Variants in RBFOX3 observed in about 807,000 individuals in gnomAD.
RBFOX3 encodes RNA binding fox-1 homolog 3.
RBFOX3 carries 17 observed loss-of-function variants against 48.7 expected under a neutral mutation model. The observed-to-expected ratio is 0.35, with a 90% CI of 0.24 to 0.52. The LOEUF is 0.52. RBFOX3 is among the 20% of genes least tolerant of loss of function. The probability of loss-of-function intolerance (pLI) is 0.94; values close to 1 mark genes in which losing one functional copy is unlikely to be tolerated. For synonymous variants in RBFOX3, 212 were observed against 209.5 expected, an observed-to-expected ratio of 1.01 and a Z score of -0.10; for missense variants, 382 against 497.5, an observed-to-expected ratio of 0.77 and a Z score of 2.21.
chr17:79,295,263 C>G (rs1256918720), intron 3 of RBFOX3, among the ~76,000 whole-genome samples: 1 of 152,210 alleles, frequency 6.6e-6, no homozygotes, highest in Non-Finnish European at 1.5e-5. Context: ...CATTTAAAGG[C>G]AATCCTGCCT....
Position 79,364,036 on chromosome 17 carries a change from G to A in RBFOX3, c.-174-56212C>T, listed in dbSNP as rs553255184. 2.0e-5 allele frequency among the ~76,000 whole-genome samples: 3 copies of A among 152,284 alleles called. No individual in the cohort carries two copies. The East Asian group carries it at 5.8e-4, about 29-fold the overall frequency. ...TTCTCAAGCCTCAGCTCAGATGCCA[G>A]GTCCTCAGAGAATCCAGCCCTACAG... is the stretch of plus-strand genomic sequence containing the variant. On this transcript the variant is annotated intron_variant, in intron 2 of 14. Coordinates refer to ENST00000693108, the MANE Select transcript of RBFOX3 (RefSeq NM_001350451.2). The surrounding 1 kb of genome is among the most constrained non-coding windows in gnomAD (Gnocchi z 5.1).
At position 79,097,579 on chromosome 17, in the gene RBFOX3, G is replaced by A. The variant is rs1004743241; in HGVS notation, c.622+113C>T. The A allele has an allele frequency of 4.9e-6, 7 of 1,435,430 alleles. No individual in the cohort carries two copies. The African/African-American group carries it at 7.3e-5, about 15-fold the overall frequency. 88.9% of individuals were successfully genotyped at this position (1,435,430 alleles called of 1,614,324 possible). ...TACTCAGTCAACACGGCGACGGGAG[G>A]GCGGGGACGGCCCACCTGGCCCCGC... On this transcript the variant is annotated intron_variant, in intron 10 of 14. Transcript: ENST00000693108.
chr17:79,092,362 C>T, intron 14 of RBFOX3: 1 of 985,624 alleles, frequency 1.0e-6, no homozygotes, highest in Non-Finnish European at 1.2e-6. Flanking sequence ...ATCACGGTTG[C>T]AGACATACAG....
chr17:79,164,169 G>A (rs996015742), intron 4 of RBFOX3, among the ~76,000 whole-genome samples: 1 of 152,216 alleles, frequency 6.6e-6, no homozygotes, highest in African/African-American at 2.4e-5. Context: ...GAGATCCCAG[G>A]CCTCTGGGAG....
intron 4 of RBFOX3, among the ~76,000 whole-genome samples, chr17:79,149,451 G>A (rs1287077751): frequency 6.6e-6 from 1 of 152,206 alleles, no homozygotes; most frequent in African/African-American, 2.4e-5. Flanking sequence ...TGCTGTCCTG[G>A]GGGAGGAGCA....
intron 2 of RBFOX3, among the ~76,000 whole-genome samples, chr17:79,438,216 C>T (rs1555732372): frequency 3.9e-5 from 6 of 152,206 alleles, no homozygotes; most frequent in Non-Finnish European, 7.3e-5. Flanking sequence ...TCCCTGGCAG[C>T]TCTCCCTGCT....
intron 2 of RBFOX3, among the ~76,000 whole-genome samples, chr17:79,353,066 C>A (rs1842947065): frequency 1.3e-5 from 2 of 152,238 alleles, no homozygotes; most frequent in South Asian, 2.1e-4. Context: ...ATGGTCTGAC[C>A]TGATGTATCT....
intron 3 of RBFOX3, among the ~76,000 whole-genome samples, chr17:79,245,362 A>C (rs1231941647): frequency 6.6e-6 from 1 of 152,160 alleles, no homozygotes; most frequent in African/African-American, 2.4e-5. Flanking sequence ...GACCGTTCAG[A>C]CCAAAGGACC....
chr17:79,543,539 G>A (rs1414387286), intron 1 of RBFOX3, among the ~76,000 whole-genome samples: 1 of 152,140 alleles, frequency 6.6e-6, no homozygotes, highest in African/African-American at 2.4e-5. Flanking sequence ...TCGGCACAGA[G>A]CGAAACCAAG....
intron 1 of RBFOX3, among the ~76,000 whole-genome samples, chr17:79,546,169 T>G (rs11077444): frequency 0.33 from 49,869 of 152,060 alleles, 10,124 homozygotes; most frequent in African/African-American, 0.56. Context: ...CTGATCTATA[T>G]TCCACCTGCC....
At chr17:79,255,222 C>CTT (rs1555631141) in intron 3 of RBFOX3, among the ~76,000 whole-genome samples, 4 of 147,422 alleles carry the variant, frequency 2.7e-5, no homozygotes, top group Admixed American at 6.7e-5. Context: ...CACATGTGTG[C>CTT]GTGTGTGTGT....
At chr17:79,102,011 C>T (rs1203967792) in intron 8 of RBFOX3, among the ~76,000 whole-genome samples, 1 of 152,228 alleles carries the variant, frequency 6.6e-6, no homozygotes, top group Non-Finnish European at 1.5e-5. Flanking sequence ...ATGCCCCCTC[C>T]TCCCTGAGGC....
chr17:79,652,461 AG>A, the RBFOX3 span, among the ~76,000 whole-genome samples: 1 of 148,270 alleles, frequency 6.7e-6, no homozygotes. Flanking sequence ...AAAGAGAGAG[AG>A]AGAGAGAGAA....
At chr17:79,492,235 A>G (rs1040925391) in intron 1 of RBFOX3, among the ~76,000 whole-genome samples, 1 of 152,178 alleles carries the variant, frequency 6.6e-6, no homozygotes, top group Admixed American at 6.5e-5. Flanking sequence ...TCCTGCCTGC[A>G]CTGGGGACTG....
Position 79,095,534 on chromosome 17 carries a change from G to C in RBFOX3, c.977C>G (p.Ala326Gly), listed in dbSNP as rs891632025. 1 of 1,551,294 alleles carries C rather than the reference G, an allele frequency of 6.4e-7. No homozygotes were observed. Among genetic ancestry groups the C allele is most frequent in the Non-Finnish European group, 8.7e-7 (1 of 1,146,722 alleles). The stretch of plus-strand genomic sequence containing the variant: ...TCACCTGTCGCTGTAGGCTGCCGCC[G>C]CTGCAGCGGGCTGAGCGTATCTGTA... ...AAYRYAQPAAAAAAYSDSYGR... is the reference protein window; with the variant it reads ...AAYRYAQPAAGAAAYSDSYGR... The change falls in exon 13 of 15, where the codon GCG (alanine) becomes GGG (glycine). Residue 326 changes from alanine to glycine, a missense_variant. By Grantham distance (60) the Ala-to-Gly change is moderately conservative (BLOSUM62 0). Around this residue, in one of 3 missense-constraint regions of RBFOX3, gnomAD observed 215 missense variants for 254.8 expected, o/e 0.84. Coordinates refer to ENST00000693108, the MANE Select transcript of RBFOX3 (RefSeq NM_001350451.2).
intron 4 of RBFOX3, among the ~76,000 whole-genome samples, chr17:79,152,810 G>A (rs2044865035): frequency 6.6e-6 from 1 of 152,208 alleles, no homozygotes; most frequent in Non-Finnish European, 1.5e-5. Context: ...GGGCACAGGT[G>A]CCAGACTTGC....
In RBFOX3 at chr17:79,364,256, A is replaced by C. The variant is rs922742799; in HGVS notation, c.-174-56432T>G. Among the ~76,000 whole-genome samples the C allele has an allele frequency of 1.3e-5, 2 of 152,234 alleles. No homozygotes were observed. The highest frequency in any genetic ancestry group is 2.9e-5 in the Non-Finnish European group (2 of 68,042). On this transcript the variant is annotated intron_variant, in intron 2 of 14. Transcript: ENST00000693108. The surrounding 1 kb of genome is among the most constrained non-coding windows in gnomAD (Gnocchi z 5.1). ...AAAGTGAGCAGAGATGGTAGCCATC[A>C]GTTGACAGGATCACCAAATCCCAAA...
chr17:79,183,868 T>TCC lies in RBFOX3; in HGVS notation c.-34+51896_-34+51897dup, dbSNP rs562448008. ...TCGCCCGCCGGCACCGGGGCAGCCC[T>TCC]CCCTCGCGCCCTCCCACGCTCGGGC... On this transcript the variant is annotated intron_variant, in intron 4 of 14. Transcript: ENST00000693108. 3.1e-3 allele frequency among the ~76,000 whole-genome samples: 472 copies of TCC among 152,140 alleles called. 3 individuals carry two copies. The highest frequency in any genetic ancestry group is 0.011 in the African/African-American group (440 of 41,508).
intron 1 of RBFOX3, among the ~76,000 whole-genome samples, chr17:79,505,562 C>T (rs1416049751): frequency 5.9e-5 from 9 of 152,156 alleles, no homozygotes; most frequent in South Asian, 2.1e-4. Context: ...ATACTGATGG[C>T]GGAGTCTGCT....
Sources: allele counts gnomAD v4.1 joint callset (sites outside exome capture counted in the v4.1 genomes callset), GRCh38; gene constraint gnomAD v4.1.1; regional missense constraint gnomAD v4.1.1; non-coding constraint Gnocchi (gnomAD v3.1); transcripts MANE v1.5; gene names NCBI Gene and HGNC (gene_info 2026-07-23, HGNC 2026-07-21).